GCC2: variants seen among roughly 807,000 people sequenced by gnomAD.
The protein encoded by GCC2 is GRIP and coiled-coil domain-containing protein 2.
A neutral mutation model predicts 210.6 loss-of-function variants in GCC2; 120 were observed. The observed-to-expected ratio is 0.57, with a 90% confidence interval of 0.49 to 0.66. The LOEUF is 0.66. Among genes scored for constraint, GCC2 ranks in the 30% least tolerant of loss-of-function variants. The probability of loss-of-function intolerance (pLI) is 0.00; values close to 1 mark genes in which losing one functional copy is unlikely to be tolerated. For synonymous variants in GCC2, 703 were observed against 652.7 expected, an observed-to-expected ratio of 1.08 and a Z score of -1.17; for missense variants, 1,868 against 1,871.9, an observed-to-expected ratio of 1.00 and a Z score of 0.04.
chr2:108,497,197 A>G, intron 21 of GCC2, 88 bp downstream of exon 21: 4 of 1,601,410 alleles, frequency 2.5e-6, no homozygotes, highest in Non-Finnish European at 2.6e-6. Flanking sequence ...GCTCACTGCA[A>G]GCTCCACCTC....
chr2:108,468,612 A>G (rs1378541049), intron 4 of GCC2, among the ~76,000 whole-genome samples: 2 of 152,094 alleles, frequency 1.3e-5, no homozygotes, highest in Non-Finnish European at 2.9e-5. Context: ...TTGTTGACCA[A>G]TCACCAATTT....
intron 9 of GCC2, among the ~76,000 whole-genome samples, chr2:108,478,270 A>G (rs1373300592): frequency 6.6e-6 from 1 of 152,216 alleles, no homozygotes; most frequent in Non-Finnish European, 1.5e-5. Flanking sequence ...TTCAAATTTC[A>G]TTACCATATT....
chr2:108,467,633 G>A (rs1680974395), intron 4 of GCC2, among the ~76,000 whole-genome samples: 1 of 152,054 alleles, frequency 6.6e-6, no homozygotes, highest in South Asian at 2.1e-4. Context: ...TTACAGGCTA[G>A]GGTATTTAAT....
rs1300981933 is a variant in GCC2 at position 108,484,248 on chromosome 2, G to C, written c.3550G>C (p.Glu1184Gln). 1 of 1,573,822 alleles carries C rather than the reference G, an allele frequency of 6.4e-7. No individual in the cohort carries two copies. Among genetic ancestry groups the C allele is most frequent in the Admixed American group, 1.9e-5 (1 of 52,788 alleles). Residue 1184 changes from glutamate to glutamine, a missense_variant, in exon 13 of 23, where the codon GAA (glutamate) becomes CAA (glutamine). This residue lies in a region of GCC2 where 1,847 missense variants were observed against 1,765.2 expected (regional missense o/e 1.05). Coordinates refer to ENST00000309863, the MANE Select transcript of GCC2 (RefSeq NM_181453.4). Reference protein sequence around the residue: ...QKLTNKNNKIEDLEQEIKIQK... With the variant: ...QKLTNKNNKIQDLEQEIKIQK... ...GTTAACTAATAAAAACAACAAGATA[G>C]AAGATTTGGAGCAAGAAATAAAAAT...
chr2:108,500,500 C>A (rs759318331), intron 22 of GCC2, among the ~76,000 whole-genome samples: 1 of 152,140 alleles, frequency 6.6e-6, no homozygotes, highest in Non-Finnish European at 1.5e-5. Context: ...CAGAGCGAGA[C>A]TCCATCTCAA....
chr2:108,451,008 AACATG>A lies in GCC2; in HGVS notation c.64-17_64-13del. On this transcript the variant is annotated splice_polypyrimidine_tract_variant and intron_variant, in intron 2 of 22. Transcript: ENST00000309863. The stretch of plus-strand genomic sequence containing the variant: ...GAAACATGAGTTATAACAAGTTGGT[AACATG>A]ACCACATCTTTCAGCTGGAAACATT... 6.4e-7 allele frequency: 1 copy of A among 1,556,130 alleles called. No homozygotes were observed. Among genetic ancestry groups the A allele is most frequent in the Non-Finnish European group, 8.9e-7 (1 of 1,128,708 alleles).
intron 6 of GCC2, 139 bp downstream of exon 6, chr2:108,472,255 C>G (rs550853760): frequency 4.0e-6 from 2 of 493,840 alleles, no homozygotes. Flanking sequence ...CTGAAAAGTG[C>G]ATTAGACATT....
Position 108,471,245 on chromosome 2 carries a change from G to A in GCC2, c.1916G>A (p.Ser639Asn). 6.2e-7 allele frequency: 1 copy of A among 1,609,144 alleles called. No homozygotes were observed. Among genetic ancestry groups the A allele is most frequent in the Non-Finnish European group, 8.5e-7 (1 of 1,178,550 alleles). Reference protein sequence around the residue: ...KKVEQTIQYNSELEQKVNELT... With the variant: ...KKVEQTIQYNNELEQKVNELT... ...GTAGAGCAAACAATCCAGTACAACAGTGAACTAGAACAAAAGGTAAATGAA... is the reference window on the plus strand; with the variant it reads ...GTAGAGCAAACAATCCAGTACAACAATGAACTAGAACAAAAGGTAAATGAA... The change falls in exon 6 of 23, where the codon AGT (serine) becomes AAT (asparagine). Residue 639 changes from serine to asparagine, a missense_variant. By Grantham distance (46) the Ser-to-Asn change is conservative (BLOSUM62 1). Transcript: ENST00000309863.
chr2:108,463,881 A>G (rs890669476), intron 4 of GCC2, among the ~76,000 whole-genome samples: 33 of 152,250 alleles, frequency 2.2e-4, no homozygotes, highest in African/African-American at 7.9e-4. Context: ...GGTGCATGGC[A>G]ATGAGTGCCA....
chr2:108,463,743 G>T (rs1355718417), intron 4 of GCC2, among the ~76,000 whole-genome samples: 3 of 152,164 alleles, frequency 2.0e-5, no homozygotes, highest in Non-Finnish European at 2.9e-5. Flanking sequence ...TTGAGCCCCT[G>T]GGCAGTGGAT....
chr2:108,458,210 A>G (rs1343448138), intron 4 of GCC2, among the ~76,000 whole-genome samples: 1 of 151,238 alleles, frequency 6.6e-6, no homozygotes, highest in Non-Finnish European at 1.5e-5. Context: ...TGTTGATGTG[A>G]TATGTCACAT....
In GCC2 at chr2:108,509,306, T is replaced by C. The variant is rs1252785201; in HGVS notation, c.*1676T>C. Reference sequence around the variant, plus strand: ...AATTTTTTGCATGATAAAAAATTACTTTGATTACAAAAGGCATATTCTTTC... The same window carrying C: ...AATTTTTTGCATGATAAAAAATTACCTTGATTACAAAAGGCATATTCTTTC... On this transcript the variant is annotated 3_prime_UTR_variant, in exon 23 of 23. Transcript: ENST00000309863. 1 of 152,566 alleles carries C rather than the reference T, an allele frequency of 6.6e-6. No individual in the cohort carries two copies. Among genetic ancestry groups the C allele is most frequent in the African/African-American group, 2.4e-5 (1 of 41,454 alleles). The allele number at this position is 152,566 out of a possible 1,614,324, so 9.5% of individuals were successfully genotyped here.
chr2:108,455,425 T>C (rs1680203901), intron 4 of GCC2, among the ~76,000 whole-genome samples: 1 of 151,652 alleles, frequency 6.6e-6, no homozygotes, highest in African/African-American at 2.4e-5. Flanking sequence ...AGCAACAGAG[T>C]GAGACTCCGT....
At chr2:108,488,847 A>G (rs938773103) in intron 17 of GCC2, among the ~76,000 whole-genome samples, 8 of 152,220 alleles carry the variant, frequency 5.3e-5, no homozygotes, top group Admixed American at 4.6e-4. Context: ...TTAGGAATCT[A>G]TTAAATATAG....
In GCC2 at chr2:108,455,312, C is replaced by T. The variant is rs192538375; in HGVS notation, c.216+2846C>T. ...AAAATTAACCAGGCATGGTGGCACG[C>T]GCCTATAGCCCAAGCTACTTGGTAG... On this transcript the variant is annotated intron_variant, in intron 4 of 22. Transcript: ENST00000309863. Among the ~76,000 whole-genome samples, 148 of 152,150 alleles carry T rather than the reference C, an allele frequency of 9.7e-4. 4 individuals carry two copies. The Middle Eastern group carries it at 0.01, about 10-fold the overall frequency.
chr2:108,496,283 T>A (rs558250105), intron 20 of GCC2: 1 of 152,456 alleles, frequency 6.6e-6, no homozygotes, highest in Non-Finnish European at 1.5e-5. Context: ...TATATTTTAT[T>A]ACCTGTAATT....
rs1413708133 is a variant in GCC2, at chr2:108,469,707, C to T, written c.378C>T (p.Asn126=). Residue 126 remains asparagine (N), a synonymous_variant, in exon 6 of 23, where the codon AAC becomes AAT. Transcript: ENST00000309863. ...AHKELEQSHI[N]YVKEIENLKN... ...AGGAGTTGGAACAATCACATATAAACTATGTGAAAGAAATTGAAAATTTGA... is the reference window on the plus strand; with the variant it reads ...AGGAGTTGGAACAATCACATATAAATTATGTGAAAGAAATTGAAAATTTGA... The T allele has an allele frequency of 6.2e-7, 1 of 1,608,786 alleles. No individual in the cohort carries two copies. The highest frequency in any genetic ancestry group is 1.1e-5 in the South Asian group (1 of 90,718).
intron 21 of GCC2, among the ~76,000 whole-genome samples, chr2:108,498,196 T>C (rs1338803251): frequency 8.1e-6 from 1 of 123,444 alleles, no homozygotes; most frequent in Non-Finnish European, 1.7e-5. Flanking sequence ...TTTTTTTTTT[T>C]TTTTTTTTTT....
Position 108,486,588 on chromosome 2 carries a change from T to TAAAA in GCC2, c.3871_3872insAAAA (p.Thr1291LysfsTer30). The TAAAA allele has an allele frequency of 6.2e-7, 1 of 1,613,870 alleles. No individual in the cohort carries two copies. Among genetic ancestry groups the TAAAA allele is most frequent in the South Asian group, 1.1e-5 (1 of 91,070 alleles). On this transcript the variant is annotated frameshift_variant, in exon 16 of 23. Coordinates refer to ENST00000309863, the MANE Select transcript of GCC2 (RefSeq NM_181453.4). LOFTEE classifies it high-confidence loss of function. ...AAACCTCTGCGGAACAGCACCAGCG[T>TAAAA]ACGCTAAGTGCATACCAGCAGAGAG...
Sources: gnomAD v4.1 joint callset for allele counts (sites outside exome capture counted in the v4.1 genomes callset) on GRCh38, gnomAD v4.1.1 for gene constraint, gnomAD v4.1.1 regional missense constraint, MANE v1.5 for transcripts, NCBI Gene and HGNC (gene_info 2026-07-23, HGNC 2026-07-21) for gene names.